Variants in PRR16 observed in about 807,000 individuals in gnomAD.
PRR16 encodes the protein protein Largen.
In PRR16, 6 loss-of-function variants were observed where a neutral mutation model predicts 18.2. That is an observed-to-expected ratio of 0.33 (90% CI 0.18 to 0.65). The LOEUF is 0.65. Ranked by LOEUF, PRR16 falls within the 30% of genes least tolerant of loss-of-function variation. PRR16 has a pLI of 0.74. For missense variants in PRR16, 412 were observed against 376.6 expected (o/e 1.09, Z -0.78); for synonymous variants, 151 against 147.8 (o/e 1.02, Z -0.16).
the PRR16 span, among the ~76,000 whole-genome samples, chr5:120,707,755 T>A: frequency 6.6e-6 from 1 of 152,294 alleles, no homozygotes; most frequent in African/African-American, 2.4e-5. Context: ...AAAGAACAAG[T>A]AAAGACAATT....
chr5:120,514,392 A>G (rs1009943125), intron 1 of PRR16, among the ~76,000 whole-genome samples: 47 of 152,116 alleles, frequency 3.1e-4, no homozygotes, highest in Non-Finnish European at 6.6e-4. Flanking sequence ...TCTCCTGAAC[A>G]GCATGCTTTT....
At chr5:120,664,251 A>C (rs1432132058) in intron 1 of PRR16, among the ~76,000 whole-genome samples, 1 of 151,998 alleles carries the variant, frequency 6.6e-6, no homozygotes, top group Non-Finnish European at 1.5e-5. Context: ...ATGAGCTGAG[A>C]TCGCACCATT....
intron 1 of PRR16, among the ~76,000 whole-genome samples, chr5:120,596,795 A>G (rs1753828240): frequency 6.6e-6 from 1 of 151,686 alleles, no homozygotes; most frequent in Non-Finnish European, 1.5e-5. Flanking sequence ...CCATGTATGT[A>G]TAAGTCCAAA....
chr5:120,491,785 C>G (rs1366009585), intron 1 of PRR16, among the ~76,000 whole-genome samples: 3 of 152,192 alleles, frequency 2.0e-5, no homozygotes, highest in African/African-American at 7.2e-5. Context: ...CTCAGGCAGT[C>G]TGCCCGCCTT....
chr5:120,503,120 G>T (rs1197946119), intron 1 of PRR16, among the ~76,000 whole-genome samples: 1 of 152,046 alleles, frequency 6.6e-6, no homozygotes, highest in Non-Finnish European at 1.5e-5. Context: ...ATAAATCAAA[G>T]AAAGTTTAAG....
At position 120,686,469 on chromosome 5, in the gene PRR16, C is replaced by G. The variant is rs776055201; in HGVS notation, c.675C>G (p.Asn225Lys). 11 of 1,614,088 alleles carry G rather than the reference C, an allele frequency of 6.8e-6. No homozygotes were observed. The South Asian group carries it at 1.2e-4, about 18-fold the overall frequency. Reference protein sequence around the residue: ...GYCPDCDTRYNIKNREVHLHS... With the variant: ...GYCPDCDTRYKIKNREVHLHS... ...GTCCTGACTGTGATACCCGGTATAA[C>G]ATAAAAAACAGGGAGGTCCACTTAC... Residue 225 changes from asparagine (N) to lysine (K), a missense_variant, in exon 2 of 2, where the codon AAC becomes AAG. Coordinates refer to ENST00000407149, the MANE Select transcript of PRR16 (RefSeq NM_001300783.2).
intron 1 of PRR16, among the ~76,000 whole-genome samples, chr5:120,526,829 C>A (rs1044505894): frequency 2.0e-5 from 3 of 152,116 alleles, no homozygotes; most frequent in Non-Finnish European, 4.4e-5. Flanking sequence ...AATCTCCTGA[C>A]CTGCCTGGCT....
chr5:120,701,517 G>A, the PRR16 span, among the ~76,000 whole-genome samples: 2 of 152,180 alleles, frequency 1.3e-5, no homozygotes, highest in Admixed American at 6.5e-5. Context: ...GGGCAGGAGG[G>A]GGAGGGCTAG....
intron 1 of PRR16, among the ~76,000 whole-genome samples, chr5:120,498,845 C>T (rs1232258472): frequency 6.6e-6 from 1 of 151,930 alleles, no homozygotes; most frequent in African/African-American, 2.4e-5. Flanking sequence ...AATGGTATGG[C>T]ATTTTCTTCT....
the PRR16 span, among the ~76,000 whole-genome samples, chr5:120,712,739 T>C: frequency 2.0e-5 from 3 of 152,070 alleles, no homozygotes; most frequent in Non-Finnish European, 2.9e-5. Context: ...TCATCACTAA[T>C]AATTAGGGAA....
chr5:120,788,139 T>C, the PRR16 span, among the ~76,000 whole-genome samples: 1 of 152,026 alleles, frequency 6.6e-6, no homozygotes, highest in Non-Finnish European at 1.5e-5. Flanking sequence ...ACATATTATA[T>C]TTACATATAT....
chr5:120,669,355 A>G (rs909211853), intron 1 of PRR16, among the ~76,000 whole-genome samples: 1 of 151,648 alleles, frequency 6.6e-6, no homozygotes, highest in African/African-American at 2.4e-5. Flanking sequence ...GTGTTCATAC[A>G]CCTCCCCCAT....
intron 1 of PRR16, among the ~76,000 whole-genome samples, chr5:120,577,253 G>C (rs760339281): frequency 2.0e-5 from 3 of 152,068 alleles, no homozygotes; most frequent in African/African-American, 4.8e-5. Flanking sequence ...TATTTTATCT[G>C]ACATGTCCTT....
chr5:120,678,496 G>T (rs573541187), intron 1 of PRR16, among the ~76,000 whole-genome samples: 108 of 152,234 alleles, frequency 7.1e-4, no homozygotes, highest in Admixed American at 1.9e-3. Context: ...CTCTCTGCCA[G>T]GGATAAAGGA....
chr5:120,679,229 A>G (rs906164483), intron 1 of PRR16, among the ~76,000 whole-genome samples: 1 of 152,106 alleles, frequency 6.6e-6, no homozygotes, highest in Admixed American at 6.5e-5. Flanking sequence ...ATTTGGACAA[A>G]TGACTCAATT....
chr5:120,591,214 G>T (rs530485223), intron 1 of PRR16, among the ~76,000 whole-genome samples: 1 of 152,172 alleles, frequency 6.6e-6, no homozygotes, highest in East Asian at 1.9e-4. Context: ...GGGAGGTGGA[G>T]GTTGCAGTGA....
the PRR16 span, among the ~76,000 whole-genome samples, chr5:120,754,648 T>C: frequency 7.6e-6 from 1 of 131,890 alleles, no homozygotes; most frequent in African/African-American, 2.9e-5. Flanking sequence ...AAAGTATTTA[T>C]ATATTATATA....
chr5:120,529,292 G>T (rs921468524), intron 1 of PRR16, among the ~76,000 whole-genome samples: 10 of 152,108 alleles, frequency 6.6e-5, no homozygotes, highest in African/African-American at 2.4e-4. Context: ...CACTACTAGC[G>T]AAGAGATACA....
At chr5:120,467,294 T>C (rs1183384844) in intron 1 of PRR16, among the ~76,000 whole-genome samples, 1 of 152,186 alleles carries the variant, frequency 6.6e-6, no homozygotes, top group East Asian at 1.9e-4. Context: ...GACCATAATA[T>C]ATTTTAATAT....
Sources: allele counts gnomAD v4.1 joint callset (sites outside exome capture counted in the v4.1 genomes callset), GRCh38; gene constraint gnomAD v4.1.1; transcripts MANE v1.5; gene names NCBI Gene and HGNC (gene_info 2026-07-23, HGNC 2026-07-21).